Variants in MAP4K4 observed in about 807,000 individuals in gnomAD.
MAP4K4 encodes the protein mitogen-activated protein kinase kinase kinase kinase 4, also known as HPK/GCK-like kinase HGK.
Under a neutral mutation model 189.6 loss-of-function variants are expected in MAP4K4, and 38 were observed. That is an observed-to-expected ratio of 0.20 (90% CI 0.15 to 0.26). The LOEUF is 0.26. Among genes scored for constraint, MAP4K4 ranks in the 10% least tolerant of loss-of-function variants. MAP4K4 has a pLI of 1.00. For missense variants in MAP4K4, 1,054 were observed against 1,726.9 expected (o/e 0.61, Z 6.91); for synonymous variants, 610 against 624.3 (o/e 0.98, Z 0.34).
chr2:101,824,074 C>G, intron 4 of MAP4K4, 21 bp downstream of exon 4: 1 of 1,179,388 alleles, frequency 8.5e-7, no homozygotes, highest in Non-Finnish European at 1.1e-6. Context: ...GTTTCCTGAG[C>G]ATTTGTGGGC....
intron 20 of MAP4K4, chr2:101,867,544 C>T (rs1216092934): frequency 2.1e-6 from 1 of 486,358 alleles, no homozygotes; most frequent in South Asian, 2.6e-5. Flanking sequence ...TCCAGCCATA[C>T]ACTTGGTGTA....
intron 24 of MAP4K4, among the ~76,000 whole-genome samples, chr2:101,872,157 ATT>A (rs925518664): frequency 2.1e-5 from 3 of 140,732 alleles, no homozygotes; most frequent in African/African-American, 5.2e-5. Context: ...AACAGAACTG[ATT>A]TTTTTTTTTT....
intron 21 of MAP4K4, among the ~76,000 whole-genome samples, chr2:101,869,360 T>C (rs1246703720): frequency 1.3e-5 from 2 of 151,878 alleles, no homozygotes; most frequent in Admixed American, 1.3e-4. Context: ...GCAGATCTTT[T>C]TTTTATTGTC....
chr2:101,874,007 G>A, intron 25 of MAP4K4, 75 bp from the exon 26 acceptor site: 1 of 1,261,800 alleles, frequency 7.9e-7, no homozygotes, highest in South Asian at 1.4e-5. Context: ...ATATTTACTT[G>A]AAGTATACTG....
At chr2:101,853,333 A>G (rs2097345597) in intron 12 of MAP4K4, among the ~76,000 whole-genome samples, 1 of 152,242 alleles carries the variant, frequency 6.6e-6, no homozygotes, top group South Asian at 2.1e-4. Context: ...CATCTCCTAC[A>G]TATATACATA....
chr2:101,860,965 G>T, exon 16 of MAP4K4: 1 of 1,600,594 alleles, frequency 6.2e-7, no homozygotes. Context: ...ATCCCGCCCT[G>T]CAGAGACCAG....
At chr2:101,708,182 T>C (rs1207166191) in intron 2 of MAP4K4, among the ~76,000 whole-genome samples, 1 of 152,198 alleles carries the variant, frequency 6.6e-6, no homozygotes, top group Admixed American at 6.6e-5. Context: ...TTTTGTTTAC[T>C]TTAAAATCAT....
chr2:101,871,404 G>A, intron 23 of MAP4K4, 90 bp from the exon 24 acceptor site: 1 of 1,029,132 alleles, frequency 9.7e-7, no homozygotes, highest in South Asian at 1.7e-5. Context: ...GAGTTTATAA[G>A]TCACACAGCA....
intron 2 of MAP4K4, among the ~76,000 whole-genome samples, chr2:101,750,294 A>G (rs2068098872): frequency 7.5e-6 from 1 of 132,720 alleles, no homozygotes; most frequent in African/African-American, 3.0e-5. Context: ...GATTAAGAAA[A>G]TGTGGCACAT....
chr2:101,728,787 G>A (rs1239481328), intron 2 of MAP4K4, among the ~76,000 whole-genome samples: 1 of 152,190 alleles, frequency 6.6e-6, no homozygotes, highest in Non-Finnish European at 1.5e-5. Flanking sequence ...CCAAAGTGCT[G>A]GGATTACAGG....
intron 2 of MAP4K4, among the ~76,000 whole-genome samples, chr2:101,703,288 C>T (rs796894362): frequency 3.4e-4 from 52 of 152,120 alleles, no homozygotes; most frequent in African/African-American, 1.1e-3. Flanking sequence ...TGAATTCACT[C>T]GTTCTCTGCA....
chr2:101,851,724 CTTTTTTTTT>C (rs36217584), intron 12 of MAP4K4, among the ~76,000 whole-genome samples: 5 of 67,910 alleles, frequency 7.4e-5, no homozygotes, highest in South Asian at 5.7e-4. Context: ...TAACTGTCCT[CTTTTTTTTT>C]TTTTTTTTTT....
At chr2:101,851,928 A>G (rs560850853) in intron 12 of MAP4K4, among the ~76,000 whole-genome samples, 9 of 151,608 alleles carry the variant, frequency 5.9e-5, no homozygotes, top group East Asian at 1.9e-4. Context: ...TCATCTTTGT[A>G]TATCTGTGGT....
In MAP4K4 at chr2:101,880,399, C is replaced by G. The variant is rs1011436705; in HGVS notation, c.3386-2152C>G. Reference sequence around the variant, plus strand: ...TTCAAAGTTTGTGTAGATTTATTTTCTTTTGCCTATGGATATCTAGTTGTT... The same window carrying G: ...TTCAAAGTTTGTGTAGATTTATTTTGTTTTGCCTATGGATATCTAGTTGTT... On this transcript the variant is annotated intron_variant, in intron 27 of 32. Transcript: ENST00000324219. Among the ~76,000 whole-genome samples the G allele has an allele frequency of 1.2e-4, 18 of 151,896 alleles. No homozygotes were observed. In the South Asian group the frequency reaches 1.5e-3, roughly 12 times the overall value.
At chr2:101,797,889 G>GTGTTTTTTTGTTTTT (rs1553478618) in intron 3 of MAP4K4, among the ~76,000 whole-genome samples, 3 of 52,304 alleles carry the variant, frequency 5.7e-5, no homozygotes, top group African/African-American at 2.3e-4. Flanking sequence ...CATTCTTTTA[G>GTGTTTTTTTGTTTTT]TTTTTTTTTT....
intron 9 of MAP4K4, 108 bp from the exon 10 acceptor site, chr2:101,839,711 C>A: frequency 2.5e-6 from 2 of 798,100 alleles, no homozygotes; most frequent in Non-Finnish European, 3.9e-6. Flanking sequence ...GCAGAATGTT[C>A]ACAGTGAATT....
chr2:101,891,687 G>T (rs1436896242), exon 33 of MAP4K4: 5 of 160,518 alleles, frequency 3.1e-5, no homozygotes, highest in Non-Finnish European at 6.9e-5. Flanking sequence ...AAGGAGCGGA[G>T]TGCTGAAGCA....
chr2:101,783,459 T>G (rs2088879381), intron 2 of MAP4K4, among the ~76,000 whole-genome samples: 1 of 152,122 alleles, frequency 6.6e-6, no homozygotes, highest in Non-Finnish European at 1.5e-5. Context: ...GAAGAAGTAA[T>G]TCCCAGACTT....
chr2:101,738,337 C>T (rs1221559396), intron 2 of MAP4K4, among the ~76,000 whole-genome samples: 2 of 152,098 alleles, frequency 1.3e-5, no homozygotes, highest in Non-Finnish European at 2.9e-5. Context: ...TTAGGGCCAA[C>T]CTGAGGGGTA....
Sources: allele counts gnomAD v4.1 joint callset (sites outside exome capture counted in the v4.1 genomes callset), GRCh38; gene constraint gnomAD v4.1.1; transcripts MANE v1.5; gene names NCBI Gene and HGNC (gene_info 2026-07-23, HGNC 2026-07-21).